GABPB1: variants seen among roughly 807,000 people sequenced by gnomAD.
GABPB1 encodes the protein GA-binding protein subunit beta-1.
GABPB1 carries 15 observed loss-of-function variants against 45.9 expected under a neutral mutation model. The ratio of observed to expected loss-of-function variants is 0.33; its 90% CI spans 0.22 to 0.50. The LOEUF (loss-of-function observed/expected upper bound fraction) is 0.50. GABPB1 is among the 20% of genes least tolerant of loss of function. The pLI, the probability that GABPB1 is intolerant of heterozygous loss-of-function variation, is 0.98. For synonymous variants in GABPB1, 143 were observed against 154.4 expected (o/e 0.93, Z 0.55); for missense variants, 252 against 457.5 (o/e 0.55, Z 4.10).
At position 50,277,107 on chromosome 15, in the gene GABPB1, G is replaced by A. The variant is rs2045848845; in HGVS notation, c.*1525C>T. On this transcript the variant is annotated 3_prime_UTR_variant, in exon 9 of 9. Transcript: ENST00000380877. The stretch of plus-strand genomic sequence containing the variant: ...ATATACTGGTAATTCCAGTGAAAGA[G>A]TTAACAAATTCTCAAGAGTTACCTC... 6.6e-6 allele frequency: 1 copy of A among 152,070 alleles called. No homozygotes were observed. The highest frequency in any genetic ancestry group is 2.1e-4 in the South Asian group (1 of 4,830). The allele number at this position is 152,070 out of a possible 1,614,324, so 9.4% of individuals were successfully genotyped here. A position where few individuals can be genotyped will look rare whatever the true frequency, so the allele number is the denominator to read the frequency against.
In GABPB1 at chr15:50,298,030, A is replaced by C. The variant is rs1161489293; in HGVS notation, c.697+2759T>G. 7.9e-5 allele frequency among the ~76,000 whole-genome samples: 12 copies of C among 152,190 alleles called. 1 individual carries two copies. Among genetic ancestry groups the C allele is most frequent in the Admixed American group, 7.9e-4 (12 of 15,272 alleles). ...TGGAGTCACACATTTAAATGTCAAAATTTCCAGCTGACTTAGAAGAAAAGC... is the reference window on the plus strand; with the variant it reads ...TGGAGTCACACATTTAAATGTCAAACTTTCCAGCTGACTTAGAAGAAAAGC... On this transcript the variant is annotated intron_variant, in intron 6 of 8. Coordinates refer to ENST00000380877, the MANE Select transcript of GABPB1 (RefSeq NM_016654.5).
At chr15:50,312,752 T>A (rs2047175111) in intron 1 of GABPB1, among the ~76,000 whole-genome samples, 1 of 152,220 alleles carries the variant, frequency 6.6e-6, no homozygotes, top group Non-Finnish European at 1.5e-5. Flanking sequence ...TAATATAAAA[T>A]CAGTTTGCAT....
chr15:50,352,004 T>C (rs2048851868), intron 1 of GABPB1: 1 of 152,174 alleles, frequency 6.6e-6, no homozygotes, highest in Non-Finnish European at 1.5e-5. Context: ...TAAGTTGCTC[T>C]CAACTTCAAG....
chr15:50,284,560 T>C (rs1298962053), intron 8 of GABPB1, among the ~76,000 whole-genome samples: 1 of 152,192 alleles, frequency 6.6e-6, no homozygotes, highest in Admixed American at 6.5e-5. Context: ...CAAAAGACTG[T>C]AAGAAAGAAA....
chr15:50,321,409 A>T (rs1403372966), intron 1 of GABPB1, among the ~76,000 whole-genome samples: 1 of 152,240 alleles, frequency 6.6e-6, no homozygotes, highest in Non-Finnish European at 1.5e-5. Context: ...CACAAAGCTG[A>T]TGAAAAACTT....
At chr15:50,319,532 T>C (rs914366351) in intron 1 of GABPB1, among the ~76,000 whole-genome samples, 2 of 152,162 alleles carry the variant, frequency 1.3e-5, no homozygotes, top group African/African-American at 4.8e-5. Flanking sequence ...GAACTGTGCA[T>C]GTATACTTTC....
Position 50,303,275 on chromosome 15 carries a change from G to A in GABPB1, c.277-152C>T, listed in dbSNP as rs900544906. 6.0e-6 allele frequency: 4 copies of A among 668,316 alleles called. No homozygotes were observed. In the African/African-American group the frequency reaches 7.3e-5, roughly 12 times the overall value. 41.4% of individuals were successfully genotyped at this position (668,316 alleles called of 1,614,324 possible). A position where few individuals can be genotyped will look rare whatever the true frequency, so the allele number is the denominator to read the frequency against. On this transcript the variant is annotated intron_variant, in intron 3 of 8. Coordinates refer to ENST00000380877, the MANE Select transcript of GABPB1 (RefSeq NM_016654.5). ...GTTAAATAGATGTTCCAGGCCAGGT[G>A]CAGTGGCTCACGCCTGTAATCCCAG... is the stretch of plus-strand genomic sequence containing the variant.
chr15:50,320,022 C>G (rs2047503082), intron 1 of GABPB1, among the ~76,000 whole-genome samples: 2 of 152,102 alleles, frequency 1.3e-5, no homozygotes, highest in African/African-American at 4.8e-5. Context: ...ACACACAATG[C>G]TTACTTCTTT....
intron 8 of GABPB1, among the ~76,000 whole-genome samples, chr15:50,283,252 A>C (rs556060906): frequency 5.9e-5 from 9 of 152,278 alleles, no homozygotes; most frequent in African/African-American, 2.2e-4. Flanking sequence ...AAATCTGTAA[A>C]TAACACTCTT....
At chr15:50,320,279 T>G (rs916489109) in intron 1 of GABPB1, among the ~76,000 whole-genome samples, 25 of 152,234 alleles carry the variant, frequency 1.6e-4, no homozygotes, top group Non-Finnish European at 3.1e-4. Context: ...GCAATTCTTC[T>G]GCCTCAGCCT....
chr15:50,324,583 C>G (rs1055554209), intron 1 of GABPB1, among the ~76,000 whole-genome samples: 1 of 135,550 alleles, frequency 7.4e-6, no homozygotes, highest in Non-Finnish European at 1.5e-5. Flanking sequence ...CTCACTCTGT[C>G]GCCCAGGCTG....
chr15:50,317,107 C>T (rs1404875624), intron 1 of GABPB1, among the ~76,000 whole-genome samples: 1 of 151,882 alleles, frequency 6.6e-6, no homozygotes, highest in African/African-American at 2.4e-5. Context: ...AATAGAAAAA[C>T]ACTTGGAGCC....
At chr15:50,297,313 A>G (rs939457165) in intron 6 of GABPB1, among the ~76,000 whole-genome samples, 1 of 151,658 alleles carries the variant, frequency 6.6e-6, no homozygotes, top group Non-Finnish European at 1.5e-5. Flanking sequence ...CCCAGGTTCA[A>G]GCCATTCTCC....
chr15:50,304,823 T>C (rs1567503708), intron 2 of GABPB1, among the ~76,000 whole-genome samples: 2 of 152,242 alleles, frequency 1.3e-5, no homozygotes, highest in Non-Finnish European at 2.9e-5. Context: ...ACTTCGTCTG[T>C]AAAATTCATC....
At chr15:50,321,934 C>G (rs2047585498) in intron 1 of GABPB1, among the ~76,000 whole-genome samples, 1 of 150,850 alleles carries the variant, frequency 6.6e-6, no homozygotes, top group South Asian at 2.1e-4. Flanking sequence ...TGGAACTTGC[C>G]TGGATATTAT....
At chr15:50,278,850 T>C (rs1595720001) in intron 8 of GABPB1, 66 bp from the exon 9 acceptor site, 1 of 1,257,560 alleles carries the variant, frequency 8.0e-7, no homozygotes. Context: ...CATATAAGCA[T>C]GCATCCTTCA....
At chr15:50,314,967 A>G (rs1259321077) in intron 1 of GABPB1, among the ~76,000 whole-genome samples, 12 of 152,204 alleles carry the variant, frequency 7.9e-5, no homozygotes, top group African/African-American at 1.7e-4. Context: ...ATGTGCTGGT[A>G]TAAGTATTTT....
At chr15:50,291,803 A>T (rs184070310) in intron 6 of GABPB1, among the ~76,000 whole-genome samples, 47 of 151,864 alleles carry the variant, frequency 3.1e-4, no homozygotes, top group African/African-American at 1.1e-3. Context: ...CTGTAGTCTC[A>T]GCTACTTGGG....
At chr15:50,307,053 G>C (rs941818693) in intron 2 of GABPB1, among the ~76,000 whole-genome samples, 1 of 152,028 alleles carries the variant, frequency 6.6e-6, no homozygotes, top group African/African-American at 2.4e-5. Context: ...TCAGGCACAT[G>C]AACAAGTCTT....
Sources: allele counts gnomAD v4.1 joint callset (sites outside exome capture counted in the v4.1 genomes callset), GRCh38; gene constraint gnomAD v4.1.1; transcripts MANE v1.5; gene names NCBI Gene and HGNC (gene_info 2026-07-23, HGNC 2026-07-21).